RASA2: variants seen among roughly 807,000 people sequenced by gnomAD.
RASA2 encodes the protein ras GTPase-activating protein 2.
Under a neutral mutation model 118.2 loss-of-function variants are expected in RASA2, and 155 were observed. The ratio of observed to expected loss-of-function variants is 1.31; its 90% CI spans 1.15 to 1.50. The LOEUF is 1.50. Among genes scored for constraint, RASA2 ranks in the 40% most tolerant of loss-of-function variants. RASA2 has a pLI of 0.00. For missense variants in RASA2, 1,016 were observed against 1,009.6 expected (o/e 1.01, Z -0.09); for synonymous variants, 353 against 349.1 (o/e 1.01, Z -0.12).
intron 4 of RASA2, among the ~76,000 whole-genome samples, chr3:141,540,109 T>G (rs1013527671): frequency 6.6e-6 from 1 of 152,078 alleles, no homozygotes; most frequent in East Asian, 1.9e-4. Flanking sequence ...GTAACTTAGT[T>G]TTTAGTTGTT....
chr3:141,520,906 A>G (rs747348650), intron 3 of RASA2, among the ~76,000 whole-genome samples: 26 of 152,136 alleles, frequency 1.7e-4, no homozygotes, highest in Admixed American at 3.3e-4. Flanking sequence ...AGATGAGGGA[A>G]TGTACTTCAG....
chr3:141,550,797 C>T (rs553985255), intron 5 of RASA2, among the ~76,000 whole-genome samples: 121 of 152,250 alleles, frequency 7.9e-4, no homozygotes, highest in African/African-American at 2.6e-3. Context: ...GCGGAGCTTG[C>T]GGGGAGCCGA....
Position 141,487,061 on chromosome 3 carries a change from T to C in RASA2, c.-23T>C, listed in dbSNP as rs2081584112. ...CGCCCGGCTACGCAGGCGGCAGGGC[T>C]GCGGCACGGGCCGGGCGGCACCATG... On this transcript the variant is annotated 5_prime_UTR_variant, in exon 1 of 24. Transcript: ENST00000286364. 8.0e-7 allele frequency: 1 copy of C among 1,245,828 alleles called. No homozygotes were observed. The highest frequency in any genetic ancestry group is 1.6e-5 in the African/African-American group (1 of 61,734). The allele number at this position is 1,245,828 out of a possible 1,614,324, so 77.2% of individuals were successfully genotyped here. A position where few individuals can be genotyped will look rare whatever the true frequency, so the allele number is the denominator to read the frequency against.
At chr3:141,596,237 A>G (rs2083365611) in intron 19 of RASA2, among the ~76,000 whole-genome samples, 1 of 152,258 alleles carries the variant, frequency 6.6e-6, no homozygotes, top group Middle Eastern at 3.2e-3. Context: ...ATATTTGGAA[A>G]TTAAATAAAA....
intron 6 of RASA2, among the ~76,000 whole-genome samples, chr3:141,555,074 C>T (rs964392576): frequency 6.6e-6 from 1 of 152,024 alleles, no homozygotes; most frequent in Admixed American, 6.5e-5. Flanking sequence ...TCAGCCTGAC[C>T]AACAAGGAGA....
chr3:141,522,977 G>C (rs1053856015), intron 3 of RASA2, among the ~76,000 whole-genome samples: 1 of 152,058 alleles, frequency 6.6e-6, no homozygotes, highest in African/African-American at 2.4e-5. Flanking sequence ...GCCTGTTCCT[G>C]GGTTGGCGGA....
chr3:141,499,029 A>G (rs982638569), intron 1 of RASA2, among the ~76,000 whole-genome samples: 4 of 152,250 alleles, frequency 2.6e-5, no homozygotes, highest in African/African-American at 7.2e-5. Context: ...TGACGTATCT[A>G]TATAACCCAT....
intron 5 of RASA2, among the ~76,000 whole-genome samples, chr3:141,552,254 A>G (rs953873072): frequency 6.6e-6 from 1 of 152,024 alleles, no homozygotes; most frequent in African/African-American, 2.4e-5. Context: ...GATTTCTGTC[A>G]TTAAGGTTTC....
At chr3:141,494,676 A>T (rs938095260) in intron 1 of RASA2, among the ~76,000 whole-genome samples, 1 of 152,080 alleles carries the variant, frequency 6.6e-6, no homozygotes, top group Non-Finnish European at 1.5e-5. Flanking sequence ...CCTAATTTTT[A>T]AATTTTAAAT....
At chr3:141,574,168 T>A (rs1253304732) in intron 14 of RASA2, 101 bp downstream of exon 14, 1 of 740,492 alleles carries the variant, frequency 1.4e-6, no homozygotes, top group African/African-American at 1.9e-5. Context: ...AGGTTTTTAT[T>A]TATTTATTTA....
At chr3:141,535,858 C>T (rs2082319026) in intron 4 of RASA2, among the ~76,000 whole-genome samples, 1 of 152,202 alleles carries the variant, frequency 6.6e-6, no homozygotes, top group African/African-American at 2.4e-5. Context: ...TAGGCCCCAC[C>T]TCCAACACTG....
intron 12 of RASA2, 51 bp from the exon 13 acceptor site, chr3:141,573,096 T>G (rs749463245): frequency 2.1e-6 from 3 of 1,426,272 alleles, no homozygotes; most frequent in Non-Finnish European, 2.8e-6. Flanking sequence ...TTATTTTCAT[T>G]TTGTCAGACT....
intron 19 of RASA2, among the ~76,000 whole-genome samples, chr3:141,603,385 A>G (rs935242437): frequency 3.9e-5 from 6 of 152,094 alleles, no homozygotes; most frequent in African/African-American, 1.4e-4. Context: ...AGCCTGGCCA[A>G]CATGGTGAAA....
chr3:141,501,487 A>T (rs1272088131), intron 1 of RASA2, among the ~76,000 whole-genome samples: 1 of 152,236 alleles, frequency 6.6e-6, no homozygotes, highest in East Asian at 1.9e-4. Context: ...TAATGCTCAC[A>T]ACAATCTTGA....
intron 1 of RASA2, among the ~76,000 whole-genome samples, chr3:141,489,170 G>GT (rs1322538600): frequency 1.3e-5 from 2 of 152,088 alleles, no homozygotes; most frequent in African/African-American, 4.8e-5. Flanking sequence ...ATCCTAGTCA[G>GT]TTTCTTGCTT....
intron 15 of RASA2, among the ~76,000 whole-genome samples, chr3:141,580,085 A>AATATATATATATATATAT (rs1207351331): frequency 5.0e-5 from 3 of 59,618 alleles, no homozygotes; most frequent in African/African-American, 2.0e-4. Flanking sequence ...AAAAAAAAAA[A>AATATATATATATATATAT]ATATATATAT....
chr3:141,501,656 A>G (rs978828169), intron 1 of RASA2, among the ~76,000 whole-genome samples: 8 of 152,228 alleles, frequency 5.3e-5, no homozygotes, highest in African/African-American at 1.9e-4. Flanking sequence ...ATAATTATGC[A>G]TACCTTTTAT....
At chr3:141,518,687 A>G (rs2082067800) in intron 3 of RASA2, among the ~76,000 whole-genome samples, 3 of 151,612 alleles carry the variant, frequency 2.0e-5, no homozygotes, top group Admixed American at 6.6e-5. Context: ...GAAATTTGCC[A>G]ACATCATTTT....
At chr3:141,518,386 G>A (rs532219624) in intron 3 of RASA2, among the ~76,000 whole-genome samples, 1 of 146,510 alleles carries the variant, frequency 6.8e-6, no homozygotes, top group Non-Finnish European at 1.5e-5. Context: ...AGGAGGCTGA[G>A]GCAGAAGAAT....
Sources: allele counts gnomAD v4.1 joint callset (sites outside exome capture counted in the v4.1 genomes callset), GRCh38; gene constraint gnomAD v4.1.1; transcripts MANE v1.5; gene names NCBI Gene and HGNC (gene_info 2026-07-23, HGNC 2026-07-21).